SMYD3: variants seen among roughly 807,000 people sequenced by gnomAD.
SMYD3 encodes histone-lysine N-methyltransferase SMYD3.
In SMYD3, 36 loss-of-function variants were observed where a neutral mutation model predicts 57.7. That is an observed-to-expected ratio of 0.62 (90% confidence interval 0.48 to 0.82). SMYD3 has a LOEUF of 0.82. SMYD3 is among the 40% of genes least tolerant of loss of function. The pLI is 0.00. For missense variants in SMYD3, 515 were observed against 538.8 expected, an observed-to-expected ratio of 0.96 and a Z score of 0.44; for synonymous variants, 211 against 195.0, an observed-to-expected ratio of 1.08 and a Z score of -0.68.
At chr1:245,863,715 G>A (rs1268401176) in intron 9 of SMYD3, 84 bp downstream of exon 9, 11 of 1,278,960 alleles carry the variant, frequency 8.6e-6, no homozygotes, top group East Asian at 2.3e-5. Flanking sequence ...GTCAAACCCC[G>A]CCTCTGACCT....
At chr1:245,935,299 A>G (rs896707078) in intron 5 of SMYD3, among the ~76,000 whole-genome samples, 4 of 152,254 alleles carry the variant, frequency 2.6e-5, no homozygotes, top group South Asian at 2.1e-4. Context: ...AAGATTCATG[A>G]GAAAATGCTC....
intron 5 of SMYD3, among the ~76,000 whole-genome samples, chr1:246,101,075 T>G (rs1397192454): frequency 2.5e-5 from 3 of 118,344 alleles, no homozygotes; most frequent in Middle Eastern, 3.6e-3. Flanking sequence ...TTTTTTGTTT[T>G]TTTTTTTTTT....
chr1:245,930,138 G>A (rs1242941508), intron 5 of SMYD3: 5 of 576,866 alleles, frequency 8.7e-6, no homozygotes, highest in East Asian at 3.7e-5. Context: ...AGGTGGTTAA[G>A]TGCAGAAATA....
chr1:245,999,745 T>C, intron 5 of SMYD3, among the ~76,000 whole-genome samples: 1 of 152,184 alleles, frequency 6.6e-6, no homozygotes, highest in East Asian at 1.9e-4. Flanking sequence ...ATATTAATTG[T>C]TCCATAAATA....
chr1:246,218,853 T>C (rs2063208201), intron 5 of SMYD3, among the ~76,000 whole-genome samples: 1 of 152,170 alleles, frequency 6.6e-6, no homozygotes, highest in Non-Finnish European at 1.5e-5. Context: ...AGGAAACCAG[T>C]AACATTCAGG....
At chr1:246,087,561 T>C (rs2060740987) in intron 5 of SMYD3, among the ~76,000 whole-genome samples, 1 of 152,108 alleles carries the variant, frequency 6.6e-6, no homozygotes, top group Admixed American at 6.5e-5. Context: ...GAAAAACAAG[T>C]TCAGTTAGTT....
intron 5 of SMYD3, among the ~76,000 whole-genome samples, chr1:246,063,435 T>C (rs547966062): frequency 3.3e-5 from 5 of 152,290 alleles, no homozygotes; most frequent in African/African-American, 1.2e-4. Flanking sequence ...GTTTAGGCAC[T>C]GTCAGCCACT....
At chr1:246,124,245 G>C (rs2061470624) in intron 5 of SMYD3, among the ~76,000 whole-genome samples, 1 of 152,170 alleles carries the variant, frequency 6.6e-6, no homozygotes. Context: ...GTGGATTTAA[G>C]GCAAGTCACT....
intron 5 of SMYD3, among the ~76,000 whole-genome samples, chr1:246,150,212 A>G (rs1008169934): frequency 6.6e-6 from 1 of 152,246 alleles, no homozygotes; most frequent in Non-Finnish European, 1.5e-5. Flanking sequence ...ACTCAAAGAA[A>G]GTATACTATA....
At chr1:245,994,729 T>A (rs946207467) in intron 5 of SMYD3, among the ~76,000 whole-genome samples, 5 of 152,082 alleles carry the variant, frequency 3.3e-5, no homozygotes, top group African/African-American at 1.2e-4. Context: ...CCTCTCATTA[T>A]CCATCTATGT....
Position 245,838,906 on chromosome 1 carries a change from C to T in SMYD3, c.1076+19590G>A, listed in dbSNP as rs147541298. On this transcript the variant is annotated intron_variant, in intron 10 of 11. Transcript: ENST00000490107. Reference sequence around the variant, plus strand: ...TGAAACCTAAAATCTAGAGGCGTTGCATTATCATCTATGGGAGGACATCTA... The same window carrying T: ...TGAAACCTAAAATCTAGAGGCGTTGTATTATCATCTATGGGAGGACATCTA... Among the ~76,000 whole-genome samples, 389 of 152,316 alleles carry T rather than the reference C, an allele frequency of 2.6e-3. 1 individual carries two copies. The highest frequency in any genetic ancestry group is 5.5e-3 in the Admixed American group (84 of 15,308).
At chr1:246,140,521 C>G (rs1449000494) in intron 5 of SMYD3, among the ~76,000 whole-genome samples, 1 of 152,262 alleles carries the variant, frequency 6.6e-6, no homozygotes, top group South Asian at 2.1e-4. Flanking sequence ...ATTGAAGGAA[C>G]TGCTCCGTGG....
In SMYD3 at chr1:246,423,918, A is replaced by G. The variant is rs954255313; in HGVS notation, c.165-68824T>C. Among the ~76,000 whole-genome samples the G allele has an allele frequency of 1.2e-4, 18 of 152,302 alleles. No individual in the cohort carries two copies. The East Asian group carries it at 3.5e-3, about 29-fold the overall frequency. On this transcript the variant is annotated intron_variant, in intron 1 of 11. Transcript: ENST00000490107. ...ACAATGGAACATCTTTAAAGTGATG[A>G]AAGACAGAACAAAAAGTCAAGCCAG... is the stretch of plus-strand genomic sequence containing the variant.
intron 5 of SMYD3, among the ~76,000 whole-genome samples, chr1:246,209,585 A>C (rs1291993201): frequency 6.6e-6 from 1 of 150,888 alleles, no homozygotes; most frequent in African/African-American, 2.4e-5. Flanking sequence ...ATTGGGGTAA[A>C]AAAAAAAAAA....
chr1:245,779,728 T>C (rs1232734562), intron 10 of SMYD3, among the ~76,000 whole-genome samples: 1 of 152,230 alleles, frequency 6.6e-6, no homozygotes, highest in Non-Finnish European at 1.5e-5. Context: ...ATACTATTCT[T>C]TTGTGTTTGT....
At position 246,206,751 on chromosome 1, in the gene SMYD3, A is replaced by G. The variant is rs1225869713; in HGVS notation, c.531+120450T>C. On this transcript the variant is annotated intron_variant, in intron 5 of 11. Coordinates refer to ENST00000490107, the MANE Select transcript of SMYD3 (RefSeq NM_001167740.2). Reference sequence around the variant, plus strand: ...CTAGTCATACTGTGGCTAAGAGAGCACTTTATATTTAATGCTTTAATAAAG... The same window carrying G: ...CTAGTCATACTGTGGCTAAGAGAGCGCTTTATATTTAATGCTTTAATAAAG... Among the ~76,000 whole-genome samples the G allele has an allele frequency of 2.0e-5, 3 of 152,342 alleles. No individual in the cohort carries two copies. The South Asian group carries it at 6.2e-4, about 32-fold the overall frequency.
intron 5 of SMYD3, among the ~76,000 whole-genome samples, chr1:246,325,376 C>G (rs904239987): frequency 6.6e-6 from 1 of 151,748 alleles, no homozygotes; most frequent in African/African-American, 2.4e-5. Context: ...ATTAACAAAA[C>G]TTTCACCAGA....
At chr1:245,844,330 A>ATACTATACT (rs1049124932) in intron 10 of SMYD3, among the ~76,000 whole-genome samples, 5 of 152,212 alleles carry the variant, frequency 3.3e-5, no homozygotes, top group African/African-American at 1.2e-4. Flanking sequence ...TTTGATGTTG[A>ATACTATACT]TACTATACTT....
intron 5 of SMYD3, among the ~76,000 whole-genome samples, chr1:246,110,556 C>T (rs2147978754): frequency 6.6e-6 from 1 of 152,298 alleles, no homozygotes; most frequent in African/African-American, 2.4e-5. Context: ...TAACTCTTTC[C>T]CTCTGAGCGC....
Sources: allele counts gnomAD v4.1 joint callset (sites outside exome capture counted in the v4.1 genomes callset), GRCh38; gene constraint gnomAD v4.1.1; transcripts MANE v1.5; gene names NCBI Gene and HGNC (gene_info 2026-07-23, HGNC 2026-07-21).